The following FSTL4 variants were observed in gnomAD, a reference collection of about 807,000 sequenced individuals.
FSTL4 encodes follistatin-related protein 4.
In FSTL4, 28 loss-of-function variants were observed where a neutral mutation model predicts 78.2. The ratio of observed to expected loss-of-function variants is 0.36; its 90% confidence interval spans 0.27 to 0.49. The LOEUF (loss-of-function observed/expected upper bound fraction) is 0.49, where lower values mean the gene tolerates loss of function less well. FSTL4 is among the 20% of genes least tolerant of loss of function. The pLI is 0.98. For missense variants in FSTL4, 922 were observed against 1,084.9 expected (o/e 0.85, Z 2.11); for synonymous variants, 422 against 440.5 (o/e 0.96, Z 0.53).
intron 3 of FSTL4, among the ~76,000 whole-genome samples, chr5:133,530,951 G>A (rs981436227): frequency 7.9e-5 from 12 of 152,200 alleles, no homozygotes. Flanking sequence ...AGTGCCAAAT[G>A]CTGCGCAAGC....
At chr5:133,482,038 C>T (rs1221583551) in intron 3 of FSTL4, among the ~76,000 whole-genome samples, 4 of 152,222 alleles carry the variant, frequency 2.6e-5, no homozygotes, top group South Asian at 2.1e-4. Flanking sequence ...AACTGTGCTG[C>T]GGTCTGGCGA....
intron 4 of FSTL4, among the ~76,000 whole-genome samples, chr5:133,363,773 C>A (rs1755119993): frequency 6.6e-6 from 1 of 152,104 alleles, no homozygotes; most frequent in Admixed American, 6.5e-5. Flanking sequence ...CTTGGTCGAG[C>A]TGCAATTTCA....
the FSTL4 span, among the ~76,000 whole-genome samples, chr5:133,837,199 C>T: frequency 6.6e-6 from 1 of 151,924 alleles, no homozygotes; most frequent in East Asian, 1.9e-4. Context: ...TCCTCCACTG[C>T]ATCTAATATG....
chr5:133,680,924 A>G, the FSTL4 span, among the ~76,000 whole-genome samples: 1 of 101,444 alleles, frequency 9.9e-6, no homozygotes, highest in Admixed American at 9.8e-5. Flanking sequence ...GCAGCTCATC[A>G]TGGGCACAGT....
chr5:133,612,904 C>A (rs1761134944), upstream of FSTL4, among the ~76,000 whole-genome samples: 1 of 152,216 alleles, frequency 6.6e-6, no homozygotes, highest in African/African-American at 2.4e-5. The surrounding 1 kb of genome is among the most constrained non-coding windows in gnomAD (Gnocchi z 6.2). Flanking sequence ...GGAGTCCAGG[C>A]GGGCCGGTAC....
chr5:133,205,512 T>C (rs186735606), intron 14 of FSTL4, among the ~76,000 whole-genome samples: 1 of 152,290 alleles, frequency 6.6e-6, no homozygotes, highest in African/African-American at 2.4e-5. Context: ...AGGACATGGG[T>C]CCAAGTCATC....
At chr5:133,210,151 C>T (rs774808540) in intron 14 of FSTL4, 40 bp downstream of exon 14, 1 of 1,032,910 alleles carries the variant, frequency 9.7e-7, no homozygotes, top group South Asian at 1.3e-5. Context: ...GTTCTTCTCT[C>T]AGTGGAGTGT....
intron 6 of FSTL4, among the ~76,000 whole-genome samples, chr5:133,264,412 C>T (rs918920678): frequency 6.6e-6 from 1 of 152,126 alleles, no homozygotes; most frequent in African/African-American, 2.4e-5. Flanking sequence ...GGGGAGGCCC[C>T]CTGTCATTCC....
chr5:133,615,272 CT>C (rs1475893177), upstream of FSTL4, among the ~76,000 whole-genome samples: 7 of 152,222 alleles, frequency 4.6e-5, no homozygotes, highest in Non-Finnish European at 1.0e-4. Flanking sequence ...AGGAAAGAGT[CT>C]TCCTTGTCTT....
the FSTL4 span, among the ~76,000 whole-genome samples, chr5:133,825,491 T>C: frequency 2.6e-5 from 4 of 152,250 alleles, no homozygotes; most frequent in Admixed American, 2.6e-4. Context: ...TTATCAATAG[T>C]TTTGTCTATT....
At chr5:133,689,882 G>A in the FSTL4 span, among the ~76,000 whole-genome samples, 6 of 152,054 alleles carry the variant, frequency 3.9e-5, no homozygotes, top group African/African-American at 1.4e-4. Flanking sequence ...CCAACATGGT[G>A]AAACCCCGTT....
At chr5:133,406,823 C>T (rs980554332) in intron 3 of FSTL4, among the ~76,000 whole-genome samples, 2 of 152,192 alleles carry the variant, frequency 1.3e-5, no homozygotes, top group African/African-American at 2.4e-5. Flanking sequence ...AGGCCCTACT[C>T]AGCACATATT....
intron 6 of FSTL4, among the ~76,000 whole-genome samples, chr5:133,287,808 T>G (rs1158286369): frequency 6.6e-6 from 1 of 152,210 alleles, no homozygotes; most frequent in South Asian, 2.1e-4. Context: ...TTCCTGCCCT[T>G]TACTCCAATC....
intron 3 of FSTL4, among the ~76,000 whole-genome samples, chr5:133,428,730 C>G (rs1756878573): frequency 1.3e-5 from 2 of 152,216 alleles, no homozygotes; most frequent in Non-Finnish European, 2.9e-5. Context: ...TGAGGGCTCT[C>G]TCATCCTGGA....
Position 133,418,375 on chromosome 5 carries a change from T to A in FSTL4, c.161-17389A>T, listed in dbSNP as rs151294343. The stretch of plus-strand genomic sequence containing the variant: ...AAAATGAAAAATTCTGTAAAAAGCA[T>A]AATTCAAGAAACAGGTCAATATGCT... On this transcript the variant is annotated intron_variant, in intron 3 of 15. Transcript: ENST00000265342. Among the ~76,000 whole-genome samples, 677 of 152,196 alleles carry A rather than the reference T, an allele frequency of 4.4e-3. 4 individuals are homozygous for A. Among genetic ancestry groups the A allele is most frequent in the African/African-American group, 0.015 (605 of 41,568 alleles).
At chr5:133,282,465 C>G (rs555371092) in intron 6 of FSTL4, among the ~76,000 whole-genome samples, 1 of 152,122 alleles carries the variant, frequency 6.6e-6, no homozygotes, top group Non-Finnish European at 1.5e-5. Flanking sequence ...TTAACATTCA[C>G]GGAATAATTG....
the FSTL4 span, among the ~76,000 whole-genome samples, chr5:133,706,904 A>G: frequency 6.6e-6 from 1 of 152,134 alleles, no homozygotes; most frequent in African/African-American, 2.4e-5. Flanking sequence ...ATTCTCTGGC[A>G]GCTCATCATG....
chr5:133,684,103 C>T, the FSTL4 span, among the ~76,000 whole-genome samples: 2 of 152,124 alleles, frequency 1.3e-5, no homozygotes, highest in Admixed American at 6.6e-5. Context: ...AGGGAACAGG[C>T]GAGAGAGAGA....
the FSTL4 span, among the ~76,000 whole-genome samples, chr5:133,781,303 T>A: frequency 6.6e-6 from 1 of 151,716 alleles, no homozygotes; most frequent in African/African-American, 2.4e-5. Flanking sequence ...TGCCCCTGCC[T>A]AGAGGTAGAA....
Sources: allele counts gnomAD v4.1 joint callset (sites outside exome capture counted in the v4.1 genomes callset), GRCh38; gene constraint gnomAD v4.1.1; non-coding constraint Gnocchi (gnomAD v3.1); transcripts MANE v1.5; gene names NCBI Gene and HGNC (gene_info 2026-07-23, HGNC 2026-07-21).